TCTN3: variants seen among roughly 807,000 people sequenced by gnomAD.
The protein encoded by TCTN3 is tectonic-3.
Under a neutral mutation model 71.3 loss-of-function variants are expected in TCTN3, and 57 were observed. That is an observed-to-expected ratio of 0.80 (90% CI 0.65 to 1.00). The LOEUF (loss-of-function observed/expected upper bound fraction) is 1.00, where lower values mean the gene tolerates loss of function less well. Among genes scored for constraint, TCTN3 ranks in the 50% least tolerant of loss-of-function variants. The pLI, the probability that TCTN3 is intolerant of heterozygous loss-of-function variation, is 0.00. For synonymous variants in TCTN3, 258 were observed against 267.8 expected (o/e 0.96, Z 0.36); for missense variants, 696 against 719.9 (o/e 0.97, Z 0.38).
chr10:95,667,242 C>G (rs566239923), intron 13 of TCTN3, among the ~76,000 whole-genome samples: 1 of 152,234 alleles, frequency 6.6e-6, no homozygotes, highest in Admixed American at 6.5e-5. Flanking sequence ...AGAGCTACTA[C>G]TAGATTTGAA....
intron 1 of TCTN3, 63 bp downstream of exon 1, chr10:95,693,581 A>G: frequency 6.5e-7 from 1 of 1,546,702 alleles, no homozygotes; most frequent in Non-Finnish European, 8.7e-7. Context: ...TGGCAGCTCA[A>G]CTTTGCTCAC....
chr10:95,670,018 T>C (rs933660919), intron 13 of TCTN3, among the ~76,000 whole-genome samples: 3 of 134,656 alleles, frequency 2.2e-5, no homozygotes, highest in Non-Finnish European at 4.6e-5. Context: ...GAGCCGAGAT[T>C]GCGCCACTGC....
chr10:95,689,126 T>TC lies in TCTN3; in HGVS notation c.500-1408dup, dbSNP rs952053068. 1.2e-4 allele frequency among the ~76,000 whole-genome samples: 18 copies of TC among 152,288 alleles called. No individual in the cohort carries two copies. In the East Asian group the frequency reaches 2.9e-3, roughly 24 times the overall value. On this transcript the variant is annotated intron_variant, in intron 3 of 13. Coordinates refer to ENST00000371217, the MANE Select transcript of TCTN3 (RefSeq NM_015631.6). ...TGAAAAGTCAGCATGAATGGGGCTC[T>TC]CAATTCTGGGGCCTTTCAGACTACT...
intron 13 of TCTN3, among the ~76,000 whole-genome samples, chr10:95,679,661 G>A (rs1250190693): frequency 4.4e-4 from 64 of 143,864 alleles, no homozygotes; most frequent in African/African-American, 1.5e-3. Flanking sequence ...GCGGGATCTC[G>A]GCTCACTGCA....
chr10:95,676,789 T>C (rs2097937596), intron 13 of TCTN3, among the ~76,000 whole-genome samples: 1 of 152,204 alleles, frequency 6.6e-6, no homozygotes, highest in Admixed American at 6.6e-5. Context: ...GATGATAAAA[T>C]TGATAATAAT....
At chr10:95,665,862 C>G (rs779351288) in intron 13 of TCTN3, among the ~76,000 whole-genome samples, 5 of 152,098 alleles carry the variant, frequency 3.3e-5, no homozygotes, top group Non-Finnish European at 7.4e-5. Context: ...AAGTGATCCT[C>G]CTGCCTCAGC....
chr10:95,693,255 C>A (rs1393690018), intron 2 of TCTN3, 98 bp downstream of exon 2: 5 of 1,502,654 alleles, frequency 3.3e-6, no homozygotes, highest in Non-Finnish European at 4.5e-6. Context: ...AGTGGAAGTA[C>A]GGGTGGGAGG....
At chr10:95,691,773 T>TA (rs2097953726) in intron 3 of TCTN3, among the ~76,000 whole-genome samples, 2 of 152,234 alleles carry the variant, frequency 1.3e-5, no homozygotes, top group African/African-American at 2.4e-5. Flanking sequence ...CTAAGTCCAC[T>TA]AACCATCCCC....
At position 95,664,097 on chromosome 10, in the gene TCTN3, T is replaced by C. The variant is rs757483845; in HGVS notation, c.1794A>G (p.Leu598=). 6.2e-6 allele frequency: 10 copies of C among 1,614,118 alleles called. No homozygotes were observed. In the South Asian group the frequency reaches 1.1e-4, roughly 18 times the overall value. ...TAGTCTCTAGGTTGAGAACTCCAAG[T>C]AGTAAGAGGCACAGGATAAGGATGG... ...VSPILILCLL[L]LGVLNLETM Residue 598 remains leucine, a synonymous_variant, in exon 14 of 14, where the codon CTA becomes CTG. Coordinates refer to ENST00000371217, the MANE Select transcript of TCTN3 (RefSeq NM_015631.6).
At chr10:95,691,916 T>C (rs1478672390) in intron 3 of TCTN3, among the ~76,000 whole-genome samples, 1 of 152,228 alleles carries the variant, frequency 6.6e-6, no homozygotes, top group Non-Finnish European at 1.5e-5. Flanking sequence ...TGCCCAAGTC[T>C]GTATAGCTGG....
At chr10:95,664,357 T>G in intron 13 of TCTN3, 57 bp from the exon 14 acceptor site, 3 of 1,412,468 alleles carry the variant, frequency 2.1e-6, no homozygotes, top group Non-Finnish European at 3.0e-6. Flanking sequence ...TATAGCACTC[T>G]AACTTGGCTG....
At chr10:95,687,758 GA>G (rs746652489) in intron 3 of TCTN3, 39 bp from the exon 4 acceptor site, 1 of 1,584,294 alleles carries the variant, frequency 6.3e-7, no homozygotes, top group Non-Finnish European at 8.6e-7. Flanking sequence ...TTAGATAAAA[GA>G]AAAACATGCC....
chr10:95,682,571 G>A (rs2097944037), intron 12 of TCTN3, 80 bp downstream of exon 12: 12 of 1,479,494 alleles, frequency 8.1e-6, no homozygotes, highest in Non-Finnish European at 1.1e-5. Context: ...ATGGAGACAA[G>A]GCTGGTTTTA....
At chr10:95,670,806 G>A (rs536392588) in intron 13 of TCTN3, among the ~76,000 whole-genome samples, 1 of 152,164 alleles carries the variant, frequency 6.6e-6, no homozygotes, top group Admixed American at 6.6e-5. Context: ...AGGAATACAG[G>A]TGCATGCCAC....
At position 95,684,649 on chromosome 10, in the gene TCTN3, A is replaced by AT. The variant is rs764763366; in HGVS notation, c.970-26dup. 9.3e-6 allele frequency: 15 copies of AT among 1,611,614 alleles called. No individual in the cohort carries two copies. In the South Asian group the frequency reaches 1.7e-4, roughly 18 times the overall value. ...CCTGAAATGCAAAAAGAATCAATTA[A>AT]TAAAAAGTAGTTATTGGGCCGAATA... is the stretch of plus-strand genomic sequence containing the variant. On this transcript the variant is annotated intron_variant, in intron 8 of 13. Transcript: ENST00000371217.
intron 13 of TCTN3, among the ~76,000 whole-genome samples, chr10:95,665,745 G>A (rs1032183478): frequency 3.3e-5 from 5 of 152,122 alleles, no homozygotes. Flanking sequence ...GAAGGAGGGT[G>A]AATGAAGAAA....
intron 13 of TCTN3, among the ~76,000 whole-genome samples, chr10:95,672,106 T>C (rs2097932090): frequency 7.7e-6 from 1 of 129,556 alleles, no homozygotes; most frequent in Admixed American, 8.4e-5. Flanking sequence ...TCTCTGTCCC[T>C]TTCCCAGAAG....
intron 3 of TCTN3, among the ~76,000 whole-genome samples, chr10:95,691,441 C>G (rs1280640357): frequency 6.6e-6 from 1 of 152,192 alleles, no homozygotes; most frequent in African/African-American, 2.4e-5. Flanking sequence ...GAGTGAGCCA[C>G]CGCGTCAGGC....
At chr10:95,688,388 C>CA (rs1491223727) in intron 3 of TCTN3, among the ~76,000 whole-genome samples, 17 of 43,816 alleles carry the variant, frequency 3.9e-4, no homozygotes, top group South Asian at 9.8e-4. Context: ...GAAACTCTGT[C>CA]AAAAAAAAGA....
Sources: allele counts gnomAD v4.1 joint callset (sites outside exome capture counted in the v4.1 genomes callset), GRCh38; gene constraint gnomAD v4.1.1; transcripts MANE v1.5; gene names NCBI Gene and HGNC (gene_info 2026-07-23, HGNC 2026-07-21).